RUNX1: variants seen among roughly 807,000 people sequenced by gnomAD.
The protein encoded by RUNX1 is runt-related transcription factor 1.
A neutral mutation model predicts 42.8 loss-of-function variants in RUNX1; 19 were observed. The observed-to-expected ratio is 0.44, with a 90% CI of 0.31 to 0.65. The LOEUF (loss-of-function observed/expected upper bound fraction) is 0.65. RUNX1 is among the 30% of genes least tolerant of loss of function. The probability of loss-of-function intolerance (pLI) is 0.07; values close to 1 mark genes in which losing one functional copy is unlikely to be tolerated. For missense variants in RUNX1, 528 were observed against 672.0 expected (o/e 0.79, Z 2.37); for synonymous variants, 271 against 289.4 (o/e 0.94, Z 0.64).
At chr21:34,888,186 C>CG in intron 3 of RUNX1, 1 of 1,066,616 alleles carries the variant, frequency 9.4e-7, no homozygotes, top group Non-Finnish European at 1.1e-6. Flanking sequence ...CCTCCACCGT[C>CG]GCCCAGCACC....
Position 34,907,347 on chromosome 21 carries a change from TTAA to T in RUNX1, c.59-14387_59-14385del, listed in dbSNP as rs929141204. 1.3e-5 allele frequency among the ~76,000 whole-genome samples: 2 copies of T among 152,118 alleles called. No individual in the cohort carries two copies. Among genetic ancestry groups the T allele is most frequent in the South Asian group, 4.1e-4 (2 of 4,830 alleles). On this transcript the variant is annotated intron_variant, in intron 2 of 8. Transcript: ENST00000675419. The surrounding 1 kb of genome is among the most constrained non-coding windows in gnomAD (Gnocchi z 5.3). ...TAGGTTGTGACCCATAGATTGGTTGTTAATAATAATAATAACAAAAGCAAGGTA... is the reference window on the plus strand; with the variant it reads ...TAGGTTGTGACCCATAGATTGGTTGTTAATAATAATAACAAAAGCAAGGTA...
At chr21:35,033,165 G>T (rs981691690) in intron 2 of RUNX1, among the ~76,000 whole-genome samples, 3 of 151,922 alleles carry the variant, frequency 2.0e-5, no homozygotes, top group African/African-American at 7.3e-5. Flanking sequence ...CCATGCATTT[G>T]CCTATTCATC....
intron 2 of RUNX1, among the ~76,000 whole-genome samples, chr21:35,010,196 T>A (rs1182063316): frequency 9.3e-6 from 1 of 106,976 alleles, no homozygotes; most frequent in Non-Finnish European, 2.1e-5. Context: ...TTTCAAGGTG[T>A]TTTTTTTTCC....
intron 2 of RUNX1, among the ~76,000 whole-genome samples, chr21:34,938,648 C>T (rs2058504558): frequency 6.6e-6 from 1 of 151,810 alleles, no homozygotes; most frequent in Non-Finnish European, 1.5e-5. Context: ...AATGACACAT[C>T]GTCTGAAAAT....
intron 7 of RUNX1, among the ~76,000 whole-genome samples, chr21:34,820,414 C>T (rs1435874074): frequency 2.0e-5 from 3 of 152,092 alleles, no homozygotes; most frequent in Non-Finnish European, 4.4e-5. Context: ...CTTTGGGAGG[C>T]CGAGGCGGGC....
intron 2 of RUNX1, among the ~76,000 whole-genome samples, chr21:34,928,129 T>A (rs1259557190): frequency 1.3e-5 from 2 of 152,166 alleles, no homozygotes; most frequent in East Asian, 1.9e-4. Flanking sequence ...TAAGCTAATA[T>A]CACTTACAAT....
intron 2 of RUNX1, among the ~76,000 whole-genome samples, chr21:35,004,090 G>A (rs1179103864): frequency 1.3e-5 from 2 of 152,146 alleles, no homozygotes; most frequent in African/African-American, 2.4e-5. Context: ...GAAAATAAAG[G>A]GATGAGAAAG....
intron 6 of RUNX1, among the ~76,000 whole-genome samples, chr21:34,842,939 G>A (rs143062622): frequency 0.016 from 2,462 of 152,198 alleles, 36 homozygotes; most frequent in Non-Finnish European, 0.026. Flanking sequence ...ATGGTGGCAC[G>A]TGCCTGTAGT....
chr21:34,797,109 C>G (rs980190716), intron 8 of RUNX1, among the ~76,000 whole-genome samples: 5 of 152,222 alleles, frequency 3.3e-5, no homozygotes, highest in African/African-American at 1.2e-4. Flanking sequence ...GGCCTGTGCT[C>G]CAGGCTTGAT....
intron 7 of RUNX1, among the ~76,000 whole-genome samples, chr21:34,822,212 G>C (rs183750615): frequency 6.6e-6 from 1 of 152,290 alleles, no homozygotes; most frequent in East Asian, 1.9e-4. Flanking sequence ...GGTGGTAAAG[G>C]AAACAGTGCT....
intron 2 of RUNX1, among the ~76,000 whole-genome samples, chr21:34,985,222 C>G (rs2058876347): frequency 6.6e-6 from 1 of 152,128 alleles, no homozygotes; most frequent in African/African-American, 2.4e-5. Context: ...CCTTCATTTC[C>G]CTATGGTCTC....
intron 5 of RUNX1, among the ~76,000 whole-genome samples, chr21:34,865,535 T>C (rs1226755515): frequency 6.6e-6 from 1 of 152,148 alleles, no homozygotes; most frequent in Non-Finnish European, 1.5e-5. Flanking sequence ...GGCAAAATAC[T>C]AACTGCTTTA....
chr21:34,941,682 A>C (rs1222460848), intron 2 of RUNX1, among the ~76,000 whole-genome samples: 1 of 152,196 alleles, frequency 6.6e-6, no homozygotes, highest in Non-Finnish European at 1.5e-5. Context: ...ATTCACCTCC[A>C]TTCTTTTTGA....
At chr21:34,993,524 C>CACACAT (rs1555913220) in intron 2 of RUNX1, among the ~76,000 whole-genome samples, 92 of 139,854 alleles carry the variant, frequency 6.6e-4, no homozygotes, top group African/African-American at 2.5e-3. Context: ...CACACACACA[C>CACACAT]ACATACATAC....
intron 2 of RUNX1, among the ~76,000 whole-genome samples, chr21:34,947,710 C>G (rs956547638): frequency 6.6e-6 from 1 of 152,186 alleles, no homozygotes; most frequent in African/African-American, 2.4e-5. Flanking sequence ...TCCACAGAAG[C>G]CTTTATTTTT....
intron 7 of RUNX1, among the ~76,000 whole-genome samples, chr21:34,831,135 A>G (rs2057057529): frequency 6.6e-6 from 1 of 152,172 alleles, no homozygotes; most frequent in South Asian, 2.1e-4. Context: ...AAGAATTCTA[A>G]GACTCGATCG....
chr21:34,879,474 TTC>T (rs1246279401), intron 5 of RUNX1, among the ~76,000 whole-genome samples: 1 of 152,206 alleles, frequency 6.6e-6, no homozygotes. Context: ...ACTAATCAAA[TTC>T]TCTGAGAACT....
chr21:34,965,696 T>A (rs1022931270), intron 2 of RUNX1, among the ~76,000 whole-genome samples: 3 of 152,086 alleles, frequency 2.0e-5, no homozygotes, highest in African/African-American at 7.2e-5. Context: ...GTTATGGGAC[T>A]CTCGAGATGA....
rs201801350 is a variant in RUNX1, at chr21:34,799,506, G to C, written c.806-44C>G. Reference sequence around the variant, plus strand: ...GTCAATTATATGTAAAGTGGGGTGGGATTTAAAAAATGTCTTTTAATAAGA... The same window carrying C: ...GTCAATTATATGTAAAGTGGGGTGGCATTTAAAAAATGTCTTTTAATAAGA... On this transcript the variant is annotated intron_variant, in intron 7 of 8. Transcript: ENST00000675419. 1.0e-4 allele frequency: 163 copies of C among 1,572,946 alleles called. 1 individual carries two copies. The East Asian group carries it at 1.4e-3, about 13-fold the overall frequency.
Sources: gnomAD v4.1 joint callset for allele counts (sites outside exome capture counted in the v4.1 genomes callset) on GRCh38, gnomAD v4.1.1 for gene constraint, Gnocchi (gnomAD v3.1) non-coding constraint, MANE v1.5 for transcripts, NCBI Gene and HGNC (gene_info 2026-07-23, HGNC 2026-07-21) for gene names.